Variants in RAB21 observed in about 807,000 individuals in gnomAD.
RAB21 encodes the protein RAB21, member RAS oncogene family, also known as ras-related protein Rab-21.
RAB21 carries 13 observed loss-of-function variants against 33.1 expected under a neutral mutation model. The observed-to-expected ratio is 0.39, with a 90% CI of 0.26 to 0.62. RAB21 has a LOEUF of 0.62. Ranked by LOEUF, RAB21 falls within the 20% of genes least tolerant of loss-of-function variation. RAB21 has a pLI of 0.48. For missense variants in RAB21, 234 were observed against 279.1 expected, an observed-to-expected ratio of 0.84 and a Z score of 1.15; for synonymous variants, 91 against 103.7, an observed-to-expected ratio of 0.88 and a Z score of 0.74.
chr12:71,781,194 G>A (rs1424323342), intron 4 of RAB21, among the ~76,000 whole-genome samples: 1 of 152,112 alleles, frequency 6.6e-6, no homozygotes, highest in Non-Finnish European at 1.5e-5. Context: ...TTCCGGCCGG[G>A]CGCGGTGGCT....
At chr12:71,783,572 A>G (rs899048075) in intron 6 of RAB21, among the ~76,000 whole-genome samples, 5 of 152,214 alleles carry the variant, frequency 3.3e-5, no homozygotes, top group Middle Eastern at 3.4e-3. Context: ...AGCAGCATCA[A>G]TATCACTTGA....
chr12:71,760,727 C>G (rs1463467477), intron 1 of RAB21, among the ~76,000 whole-genome samples: 1 of 151,160 alleles, frequency 6.6e-6, no homozygotes. Flanking sequence ...CTTTTTTTTT[C>G]CCTTATTGAA....
Position 71,795,415 on chromosome 12 carries a change from T to A in RAB21, c.*9742T>A, listed in dbSNP as rs192455671. 2.1e-4 allele frequency: 19 copies of A among 90,406 alleles called. 2 individuals carry two copies. The highest frequency in any genetic ancestry group is 7.4e-4 in the Admixed American group (6 of 8,154). The allele number at this position is 90,406 out of a possible 1,614,324, so 5.6% of individuals were successfully genotyped here. A position where few individuals can be genotyped will look rare whatever the true frequency, so the allele number is the denominator to read the frequency against. On this transcript the variant is annotated 3_prime_UTR_variant, in exon 7 of 7. Transcript: ENST00000261263. ...GAATGTCCCTAGCGTAATAATGCCT[T>A]CTACTGACATTTAAAGTCAGCTTAA...
At chr12:71,773,045 T>C (rs1883067019) in intron 3 of RAB21, among the ~76,000 whole-genome samples, 1 of 152,220 alleles carries the variant, frequency 6.6e-6, no homozygotes, top group South Asian at 2.1e-4. Context: ...TCAGGAGGTT[T>C]TATAAGTTCA....
intron 1 of RAB21, among the ~76,000 whole-genome samples, chr12:71,765,112 ACC>A (rs1225766566): frequency 6.6e-6 from 1 of 152,056 alleles, no homozygotes; most frequent in Non-Finnish European, 1.5e-5. Context: ...TCACATCCAC[ACC>A]AACATCTATT....
intron 1 of RAB21, among the ~76,000 whole-genome samples, chr12:71,757,769 A>ATCTT (rs1882806677): frequency 6.6e-6 from 1 of 152,228 alleles, no homozygotes; most frequent in Non-Finnish European, 1.5e-5. Flanking sequence ...TGAGAGGAAG[A>ATCTT]GTTCACCTTT....
intron 1 of RAB21, 103 bp from the exon 2 acceptor site, chr12:71,769,697 C>T (rs1883012641): frequency 2.0e-6 from 1 of 507,392 alleles, no homozygotes; most frequent in Non-Finnish European, 3.4e-6. Context: ...TACTTTTTCT[C>T]CCAGATAACT....
At chr12:71,762,590 G>GT (rs574121499) in intron 1 of RAB21, among the ~76,000 whole-genome samples, 2 of 151,850 alleles carry the variant, frequency 1.3e-5, no homozygotes, top group African/African-American at 2.4e-5. Flanking sequence ...GTTTTGTTTT[G>GT]TTTTTTTCCT....
rs1460048019 is a variant in RAB21 at position 71,796,149 on chromosome 12, A to G, written c.*10476A>G. The G allele has an allele frequency of 7.3e-6, 1 of 137,528 alleles. No individual in the cohort carries two copies. The highest frequency in any genetic ancestry group is 1.5e-5 in the Non-Finnish European group (1 of 66,022). The allele number at this position is 137,528 out of a possible 1,614,324, so 8.5% of individuals were successfully genotyped here. A position where few individuals can be genotyped will look rare whatever the true frequency, so the allele number is the denominator to read the frequency against. ...ATAGAATAGCCTCTGTGGTATACAC[A>G]CAGACAATGTAAAATCCAAGAAATA... On this transcript the variant is annotated 3_prime_UTR_variant, in exon 7 of 7. Transcript: ENST00000261263.
At position 71,790,177 on chromosome 12, in the gene RAB21, C is replaced by CTT. The variant is rs1391240395; in HGVS notation, c.*4504_*4505insTT. On this transcript the variant is annotated 3_prime_UTR_variant, in exon 7 of 7. Coordinates refer to ENST00000261263, the MANE Select transcript of RAB21 (RefSeq NM_014999.4). ...CCAGTTAGGTCTCTTATTCTTAAAG[C>CTT]ATCTTTCTTTAGAAGTCTGCACATA... 1 of 152,130 alleles carries CTT rather than the reference C, an allele frequency of 6.6e-6. No homozygotes were observed. Among genetic ancestry groups the CTT allele is most frequent in the Non-Finnish European group, 1.5e-5 (1 of 68,000 alleles). The allele number at this position is 152,130 out of a possible 1,614,324, so 9.4% of individuals were successfully genotyped here. A position where few individuals can be genotyped will look rare whatever the true frequency, so the allele number is the denominator to read the frequency against.
intron 3 of RAB21, among the ~76,000 whole-genome samples, chr12:71,771,388 C>T (rs1180850520): frequency 6.6e-6 from 1 of 152,128 alleles, no homozygotes; most frequent in African/African-American, 2.4e-5. Context: ...GGAATAATGC[C>T]AAGGAAGAAG....
chr12:71,781,197 C>T (rs1383552988), intron 4 of RAB21, among the ~76,000 whole-genome samples: 1 of 152,098 alleles, frequency 6.6e-6, no homozygotes, highest in African/African-American at 2.4e-5. Flanking sequence ...CGGCCGGGCG[C>T]GGTGGCTCAA....
At chr12:71,778,342 G>A (rs896347794) in intron 4 of RAB21, among the ~76,000 whole-genome samples, 4 of 152,032 alleles carry the variant, frequency 2.6e-5, no homozygotes, top group Admixed American at 6.6e-5. Context: ...ATTAATCGTA[G>A]TCACCATTTA....
At chr12:71,763,455 T>C (rs1284537471) in intron 1 of RAB21, among the ~76,000 whole-genome samples, 1 of 152,278 alleles carries the variant, frequency 6.6e-6, no homozygotes, top group East Asian at 1.9e-4. Context: ...TTTTAAATTT[T>C]TAATTTTTTT....
At chr12:71,776,872 C>G (rs998946000) in intron 4 of RAB21, among the ~76,000 whole-genome samples, 2 of 152,106 alleles carry the variant, frequency 1.3e-5, no homozygotes, top group African/African-American at 4.8e-5. Context: ...TCTTTTCACC[C>G]CATCTTTCTT....
At chr12:71,783,225 T>G (rs946248818) in intron 6 of RAB21, among the ~76,000 whole-genome samples, 16 of 151,988 alleles carry the variant, frequency 1.1e-4, no homozygotes, top group Non-Finnish European at 7.4e-5. Flanking sequence ...ATTCATGAAA[T>G]TGGGTGATGG....
intron 1 of RAB21, among the ~76,000 whole-genome samples, chr12:71,763,530 A>G (rs747405308): frequency 2.6e-5 from 4 of 151,752 alleles, no homozygotes; most frequent in Non-Finnish European, 5.9e-5. Context: ...GTCTTCCACT[A>G]TGATAGCCAC....
chr12:71,772,416 C>T (rs1351233460), intron 3 of RAB21, among the ~76,000 whole-genome samples: 1 of 152,172 alleles, frequency 6.6e-6, no homozygotes, highest in East Asian at 1.9e-4. Flanking sequence ...GTTACAAGGC[C>T]AGCCCAAATT....
rs768051326 is a variant in RAB21, at chr12:71,787,476, A to G, written c.*1803A>G. On this transcript the variant is annotated 3_prime_UTR_variant, in exon 7 of 7. Transcript: ENST00000261263. The stretch of plus-strand genomic sequence containing the variant: ...TTTACTTCTTATAAGAAGCAGTAGT[A>G]TGTAATAAAGCTATTAGCATGAGCA... 6.6e-6 allele frequency: 1 copy of G among 152,194 alleles called. No homozygotes were observed. The highest frequency in any genetic ancestry group is 1.5e-5 in the Non-Finnish European group (1 of 68,042). The allele number at this position is 152,194 out of a possible 1,614,324, so 9.4% of individuals were successfully genotyped here.
Sources: gnomAD v4.1 joint callset for allele counts (sites outside exome capture counted in the v4.1 genomes callset) on GRCh38, gnomAD v4.1.1 for gene constraint, MANE v1.5 for transcripts, NCBI Gene and HGNC (gene_info 2026-07-23, HGNC 2026-07-21) for gene names.